Variants in GRSF1 observed in about 807,000 individuals in gnomAD.
GRSF1 encodes G-rich sequence factor 1.
A neutral mutation model predicts 51.1 loss-of-function variants in GRSF1; 50 were observed. That is an observed-to-expected ratio of 0.98 (90% CI 0.78 to 1.24). The LOEUF (loss-of-function observed/expected upper bound fraction) is 1.24, where lower values mean the gene tolerates loss of function less well. GRSF1 is among the 50% of genes most tolerant of loss of function. The pLI, the probability that GRSF1 is intolerant of heterozygous loss-of-function variation, is 0.00. For synonymous variants in GRSF1, 293 were observed against 253.3 expected, an observed-to-expected ratio of 1.16 and a Z score of -1.49; for missense variants, 700 against 639.7, an observed-to-expected ratio of 1.09 and a Z score of -1.02.
chr4:70,838,902 C>T, intron 1 of GRSF1: 1 of 335,916 alleles, frequency 3.0e-6, no homozygotes, highest in Non-Finnish European at 5.8e-6. Flanking sequence ...AGGTGACCTT[C>T]AGTAAACCGG....
rs6836297 is a variant in GRSF1 at position 70,826,528 on chromosome 4, T to C, written c.1136-283A>G. ...ACCCTAAAAGAGACTTTCTAGATTA[T>C]AGGCACTGAAAAAAAAAAAAAAGAA... On this transcript the variant is annotated intron_variant, in intron 6 of 9. Coordinates refer to ENST00000254799, the MANE Select transcript of GRSF1 (RefSeq NM_002092.4). Among the ~76,000 whole-genome samples, 148,746 of 150,680 alleles carry C rather than the reference T, an allele frequency of 0.99. 73,439 individuals are homozygous for C. Among genetic ancestry groups the C allele is most frequent in the Middle Eastern group, 1 (290 of 290 alleles).
chr4:70,827,679 T>C (rs1303109884), intron 6 of GRSF1, among the ~76,000 whole-genome samples, 173 bp downstream of exon 6: 1 of 151,994 alleles, frequency 6.6e-6, no homozygotes, highest in Non-Finnish European at 1.5e-5. Context: ...TCAAAGAGGC[T>C]GAGGCAGGAG....
At position 70,839,820 on chromosome 4, in the gene GRSF1, C is replaced by T; in HGVS notation, c.8G>A (p.Gly3Asp). Reference sequence around the variant, plus strand: ...CAGCGCCCCGAGTACCCAGCGCGTGCCGGCCATGGACTCCGGAGGCGGCGC... The same window carrying T: ...CAGCGCCCCGAGTACCCAGCGCGTGTCGGCCATGGACTCCGGAGGCGGCGC... MAGTRWVLGALLR... is the reference protein window; with the variant it reads MADTRWVLGALLR... The change falls in exon 1 of 10, where the codon GGC (glycine) becomes GAC (aspartate). Residue 3 changes from glycine (G) to aspartate (D), a missense_variant. Coordinates refer to ENST00000254799, the MANE Select transcript of GRSF1 (RefSeq NM_002092.4). 6.7e-7 allele frequency: 1 copy of T among 1,497,346 alleles called. No homozygotes were observed. The highest frequency in any genetic ancestry group is 8.8e-7 in the Non-Finnish European group (1 of 1,130,856). 92.8% of individuals were successfully genotyped at this position (1,497,346 alleles called of 1,614,324 possible).
upstream of GRSF1, among the ~76,000 whole-genome samples, chr4:70,840,984 G>A (rs1227609734): frequency 6.6e-6 from 1 of 152,146 alleles, no homozygotes; most frequent in Non-Finnish European, 1.5e-5. Flanking sequence ...TGTGAGGAAG[G>A]AGAACTTCGT....
intron 2 of GRSF1, 92 bp from the exon 3 acceptor site, chr4:70,833,365 A>C (rs1012278469): frequency 9.3e-7 from 1 of 1,080,702 alleles, no homozygotes; most frequent in Non-Finnish European, 1.4e-6. Context: ...CCAACAACAA[A>C]GCAGGAAACA....
Position 70,839,877 on chromosome 4 carries a change from G to C in GRSF1, c.-50C>G. 7.0e-7 allele frequency: 1 copy of C among 1,422,190 alleles called. No homozygotes were observed. The highest frequency in any genetic ancestry group is 9.1e-7 in the Non-Finnish European group (1 of 1,095,882). The allele number at this position is 1,422,190 out of a possible 1,614,324, so 88.1% of individuals were successfully genotyped here. ...TGAAGGCAGCTGCTCCAGCAGCGAT[G>C]GTGGAACGGAAGTGGAATCCAGGGC... On this transcript the variant is annotated 5_prime_UTR_variant, in exon 1 of 10. Transcript: ENST00000254799.
intron 5 of GRSF1, among the ~76,000 whole-genome samples, chr4:70,829,126 A>G (rs1733857294): frequency 6.6e-6 from 1 of 151,902 alleles, no homozygotes; most frequent in South Asian, 2.1e-4. Context: ...CCTGGGCTCA[A>G]GTGATCCTCC....
At position 70,815,953 on chromosome 4, in the gene GRSF1, A is replaced by C. The variant is rs1354028496; in HGVS notation, c.*4934T>G. On this transcript the variant is annotated 3_prime_UTR_variant, in exon 10 of 10. Coordinates refer to ENST00000254799, the MANE Select transcript of GRSF1 (RefSeq NM_002092.4). ...AGCTTAAACACACTGATGAACATAC[A>C]AACATGCTGAGTAAAAGGAACTTAC... 1 of 152,224 alleles carries C rather than the reference A, an allele frequency of 6.6e-6. No homozygotes were observed. The highest frequency in any genetic ancestry group is 1.9e-4 in the East Asian group (1 of 5,198). The allele number at this position is 152,224 out of a possible 1,614,324, so 9.4% of individuals were successfully genotyped here.
At chr4:70,825,182 C>G in intron 8 of GRSF1, 114 bp downstream of exon 8, 1 of 782,676 alleles carries the variant, frequency 1.3e-6, no homozygotes. Context: ...TTTACTAGTA[C>G]TAAAAGAATA....
chr4:70,841,433 C>T (rs1420563706), upstream of GRSF1, among the ~76,000 whole-genome samples: 1 of 152,218 alleles, frequency 6.6e-6, no homozygotes, highest in African/African-American at 2.4e-5. Context: ...TTTTCTCCTC[C>T]TGAGCCAGGA....
chr4:70,832,282 C>A (rs76807104), intron 4 of GRSF1, 25 bp downstream of exon 4: 1 of 1,603,150 alleles, frequency 6.2e-7, no homozygotes, highest in Middle Eastern at 1.7e-4. Context: ...TATGAGCTCC[C>A]AAGCATAATA....
At chr4:70,825,558 T>C in intron 7 of GRSF1, 127 bp from the exon 8 acceptor site, 3 of 623,864 alleles carry the variant, frequency 4.8e-6, no homozygotes, top group Middle Eastern at 4.4e-4. Flanking sequence ...TTAGGAAATC[T>C]TTTTAAGCAG....
intron 8 of GRSF1, among the ~76,000 whole-genome samples, chr4:70,824,853 G>T (rs185137117): frequency 6.6e-6 from 1 of 152,028 alleles, no homozygotes; most frequent in Non-Finnish European, 1.5e-5. Context: ...CTGTAATCCC[G>T]GCACTTTGGG....
rs185579559 is a variant in GRSF1 at position 70,822,090 on chromosome 4, A to G, written c.*26-1229T>C. The stretch of plus-strand genomic sequence containing the variant: ...CTTACAATACCTTATGGGAAAAAAA[A>G]AAGACACCATATATTTAATCGAGGC... On this transcript the variant is annotated intron_variant, in intron 9 of 9. Transcript: ENST00000254799. Among the ~76,000 whole-genome samples, 415 of 152,322 alleles carry G rather than the reference A, an allele frequency of 2.7e-3. 1 individual carries two copies. Among genetic ancestry groups the G allele is most frequent in the Non-Finnish European group, 4.7e-3 (319 of 68,030 alleles).
rs1733804027 is a variant in GRSF1 at position 70,828,012 on chromosome 4, T to A, written c.975A>T (p.Arg325Ser). ...GNRYIEIFPS[R>S]RNEVRTHVGS... is the part of the protein sequence containing the mutation. ...CGACATGTGTTCGAACTTCATTCCT[T>A]CTGCTTGGAAATATCTCGATGTATC... is the stretch of plus-strand genomic sequence containing the variant. Residue 325 changes from arginine to serine, a missense_variant, in exon 6 of 10, where the codon AGA becomes AGT. By Grantham distance (110) the Arg-to-Ser change is moderately radical. Coordinates refer to ENST00000254799, the MANE Select transcript of GRSF1 (RefSeq NM_002092.4). 1.9e-6 allele frequency: 3 copies of A among 1,613,470 alleles called. No individual in the cohort carries two copies. In the East Asian group the frequency reaches 6.7e-5, roughly 36 times the overall value.
chr4:70,837,664 G>T lies in GRSF1; in HGVS notation c.358-1350C>A, dbSNP rs143296178. Among the ~76,000 whole-genome samples the T allele has an allele frequency of 1.7e-4, 25 of 151,400 alleles. 1 individual carries two copies. In the East Asian group the frequency reaches 5.0e-3, roughly 30 times the overall value. ...TTTTCTTTTCTTTTTTCTTGAGACGGAGTTTCGCTCTTGTCGCCCAGACTA... is the reference window on the plus strand; with the variant it reads ...TTTTCTTTTCTTTTTTCTTGAGACGTAGTTTCGCTCTTGTCGCCCAGACTA... On this transcript the variant is annotated intron_variant, in intron 1 of 9. Coordinates refer to ENST00000254799, the MANE Select transcript of GRSF1 (RefSeq NM_002092.4).
In GRSF1 at chr4:70,821,987, C is replaced by T. The variant is rs116790734; in HGVS notation, c.*26-1126G>A. On this transcript the variant is annotated intron_variant, in intron 9 of 9. Coordinates refer to ENST00000254799, the MANE Select transcript of GRSF1 (RefSeq NM_002092.4). Reference sequence around the variant, plus strand: ...CACCATGCCTGGCCCCATGTGTTTTCAAGAAATCATTACAGGTAAGTGTCT... The same window carrying T: ...CACCATGCCTGGCCCCATGTGTTTTTAAGAAATCATTACAGGTAAGTGTCT... 3.1e-3 allele frequency among the ~76,000 whole-genome samples: 475 copies of T among 151,568 alleles called. 4 individuals carry two copies. The highest frequency in any genetic ancestry group is 0.011 in the African/African-American group (458 of 41,338).
intron 9 of GRSF1, among the ~76,000 whole-genome samples, chr4:70,823,369 C>G (rs1430441361): frequency 1.3e-5 from 2 of 151,310 alleles, no homozygotes; most frequent in Non-Finnish European, 1.5e-5. Context: ...TGCACTCCAG[C>G]CTGGGCAACA....
chr4:70,839,617 C>T lies in GRSF1; in HGVS notation c.211G>A (p.Val71Met), dbSNP rs945927386. Residue 71 changes from valine to methionine, a missense_variant, in exon 1 of 10, where the codon GTG becomes ATG. Physicochemically the swap from Val to Met is conservative, Grantham distance 21. Transcript: ENST00000254799. ...GGCCCCGCCAGCCTCCCGGGAGGCA[C>T]AGGCCCGGTCTGGAGGCCACGCGTC... ...SQTRGLQTGP[V>M]PPGRLAGPPA... is the part of the protein sequence containing the mutation. 167 of 1,403,802 alleles carry T rather than the reference C, an allele frequency of 1.2e-4. No individual in the cohort carries two copies. Among genetic ancestry groups the T allele is most frequent in the Non-Finnish European group, 1.5e-4 (158 of 1,088,364 alleles). The allele number at this position is 1,403,802 out of a possible 1,614,324, so 87.0% of individuals were successfully genotyped here.
Sources: gnomAD v4.1 joint callset for allele counts (sites outside exome capture counted in the v4.1 genomes callset) on GRCh38, gnomAD v4.1.1 for gene constraint, MANE v1.5 for transcripts, NCBI Gene and HGNC (gene_info 2026-07-23, HGNC 2026-07-21) for gene names.